Variants in VWA8 observed in about 807,000 individuals in gnomAD.
VWA8 encodes the protein von Willebrand factor A domain containing 8.
Under a neutral mutation model 241.5 loss-of-function variants are expected in VWA8, and 221 were observed. That is an observed-to-expected ratio of 0.91 (90% CI 0.82 to 1.02). VWA8 has a LOEUF of 1.02. Ranked by LOEUF, VWA8 falls within the 50% of genes least tolerant of loss-of-function variation. VWA8 has a pLI of 0.00. For synonymous variants in VWA8, 852 were observed against 827.1 expected, an observed-to-expected ratio of 1.03 and a Z score of -0.52; for missense variants, 2,322 against 2,328.7, an observed-to-expected ratio of 1.00 and a Z score of 0.06.
At chr13:41,915,157 T>C (rs1434971397) in intron 2 of VWA8, among the ~76,000 whole-genome samples, 1 of 152,252 alleles carries the variant, frequency 6.6e-6, no homozygotes, top group Non-Finnish European at 1.5e-5. Flanking sequence ...AGCAGTGTAC[T>C]TTCTTAAGTA....
Position 41,907,698 on chromosome 13 carries a change from T to C in VWA8, c.373-2A>G. 6.2e-7 allele frequency: 1 copy of C among 1,611,736 alleles called. No homozygotes were observed. Among genetic ancestry groups the C allele is most frequent in the Non-Finnish European group, 8.5e-7 (1 of 1,178,010 alleles). ...TTCGACCTCCCGTTTGGTCAGCTCCTGTAGAGAAGAGAATGAAATTATTCC... is the reference window on the plus strand; with the variant it reads ...TTCGACCTCCCGTTTGGTCAGCTCCCGTAGAGAAGAGAATGAAATTATTCC... On this transcript the variant is annotated splice_acceptor_variant, in intron 3 of 44. Coordinates refer to ENST00000379310, the MANE Select transcript of VWA8 (RefSeq NM_015058.2). LOFTEE classifies it high-confidence loss of function.
chr13:41,671,153 A>G lies in VWA8; in HGVS notation c.4410-6T>C. On this transcript the variant is annotated splice_polypyrimidine_tract_variant and splice_region_variant and intron_variant, in intron 36 of 44. Coordinates refer to ENST00000379310, the MANE Select transcript of VWA8 (RefSeq NM_015058.2). ...ACGGCGAGAGAGATTCTGATCTGGA[A>G]AAAGGAATCCAAGTGAAGCTAAGAG... 1 of 1,613,582 alleles carries G rather than the reference A, an allele frequency of 6.2e-7. No homozygotes were observed. Among genetic ancestry groups the G allele is most frequent in the Non-Finnish European group, 8.5e-7 (1 of 1,179,626 alleles).
chr13:41,893,756 C>A (rs117913372), intron 4 of VWA8, among the ~76,000 whole-genome samples: 1 of 152,086 alleles, frequency 6.6e-6, no homozygotes, highest in Admixed American at 6.5e-5. Context: ...TGGTGGCGGG[C>A]GCCTGTAATC....
chr13:41,676,675 C>G (rs2045062391), intron 35 of VWA8, among the ~76,000 whole-genome samples: 1 of 152,136 alleles, frequency 6.6e-6, no homozygotes, highest in South Asian at 2.1e-4. Context: ...TCTTGTTGCC[C>G]AGGCTGGAGT....
At chr13:41,595,909 C>A (rs906733823) in intron 40 of VWA8, among the ~76,000 whole-genome samples, 1 of 152,106 alleles carries the variant, frequency 6.6e-6, no homozygotes, top group East Asian at 1.9e-4. Context: ...GAACAGTTTT[C>A]CAAAGTGGTT....
chr13:41,628,843 C>T (rs982691858), intron 37 of VWA8, among the ~76,000 whole-genome samples: 20 of 152,128 alleles, frequency 1.3e-4, no homozygotes, highest in Non-Finnish European at 8.8e-5. Context: ...GAGATCGAGA[C>T]CATCCTCGCC....
At chr13:41,846,248 A>T (rs531441193) in intron 12 of VWA8, among the ~76,000 whole-genome samples, 1 of 152,298 alleles carries the variant, frequency 6.6e-6, no homozygotes, top group East Asian at 1.9e-4. Flanking sequence ...TGAAATCAAG[A>T]TTGGTGTAAT....
chr13:41,742,049 C>T (rs1350248019), intron 21 of VWA8, among the ~76,000 whole-genome samples: 2 of 152,200 alleles, frequency 1.3e-5, no homozygotes, highest in East Asian at 3.8e-4. Flanking sequence ...TTTAAGGCTA[C>T]ACTTAGTTAT....
rs749193925 is a variant in VWA8 at position 41,685,140 on chromosome 13, T to C, written c.4234A>G (p.Lys1412Glu). ...AAAAGAGTCACACAATTGCTTTGTT[T>C]TGGAGTCCCCCTTTTCTTCTTTCCT... ...YRGKKKRGTP[K>E]QSNCVTLLDT... Residue 1412 changes from lysine to glutamate, a missense_variant, in exon 35 of 45, where the codon AAA becomes GAA. Lys to Glu is a moderately conservative substitution (Grantham distance 56, BLOSUM62 1). Transcript: ENST00000379310. 6.2e-7 allele frequency: 1 copy of C among 1,613,664 alleles called. No homozygotes were observed. Among genetic ancestry groups the C allele is most frequent in the South Asian group, 1.1e-5 (1 of 91,072 alleles).
chr13:41,691,914 A>G lies in VWA8; in HGVS notation c.3700T>C (p.Phe1234Leu), dbSNP rs1218616495. Residue 1234 changes from phenylalanine (F) to leucine (L), a missense_variant, in exon 31 of 45, where the codon TTT becomes CTT. Phe to Leu is a conservative substitution (Grantham distance 22). Coordinates refer to ENST00000379310, the MANE Select transcript of VWA8 (RefSeq NM_015058.2). ...AACACCAGCCAGTTTTTGTGTGAAAATTCTTTACACATTTTATAAGTTTCC... is the reference window on the plus strand; with the variant it reads ...AACACCAGCCAGTTTTTGTGTGAAAGTTCTTTACACATTTTATAAGTTTCC... ...EAETYKMCKE[F>L]SHKNWLVFYK... is the part of the protein sequence containing the mutation. 1.9e-6 allele frequency: 3 copies of G among 1,610,212 alleles called. No homozygotes were observed. The highest frequency in any genetic ancestry group is 1.7e-5 in the Admixed American group (1 of 59,896).
rs569955162 is a variant in VWA8 at position 41,899,522 on chromosome 13, T to A, written c.484-7935A>T. 1.7e-3 allele frequency among the ~76,000 whole-genome samples: 256 copies of A among 152,310 alleles called. 2 individuals carry two copies. The highest frequency in any genetic ancestry group is 5.7e-3 in the African/African-American group (235 of 41,564). On this transcript the variant is annotated intron_variant, in intron 4 of 44. Coordinates refer to ENST00000379310, the MANE Select transcript of VWA8 (RefSeq NM_015058.2). Reference sequence around the variant, plus strand: ...CCAAAAGGAGAAAATCTTGAGAAGATGCTCTTTGGAAACAAAATCTGAAAC... The same window carrying A: ...CCAAAAGGAGAAAATCTTGAGAAGAAGCTCTTTGGAAACAAAATCTGAAAC...
chr13:41,689,556 G>A, intron 33 of VWA8, 48 bp from the exon 34 acceptor site: 1 of 1,437,490 alleles, frequency 7.0e-7, no homozygotes, highest in Non-Finnish European at 9.2e-7. Context: ...AATGCTCCAG[G>A]AATTAATTTT....
chr13:41,803,983 ACAGT>A (rs1870075434), intron 17 of VWA8, among the ~76,000 whole-genome samples: 1 of 152,208 alleles, frequency 6.6e-6, no homozygotes, highest in Non-Finnish European at 1.5e-5. Flanking sequence ...TTGAAAACAC[ACAGT>A]CAGAGGAGAC....
At chr13:41,663,495 T>G (rs2044966130) in intron 37 of VWA8, among the ~76,000 whole-genome samples, 1 of 152,164 alleles carries the variant, frequency 6.6e-6, no homozygotes, top group African/African-American at 2.4e-5. Flanking sequence ...CTCAAGCAAT[T>G]AAGAGGTTAA....
chr13:41,889,230 T>C (rs1334416966), intron 5 of VWA8, among the ~76,000 whole-genome samples: 1 of 152,296 alleles, frequency 6.6e-6, no homozygotes, highest in South Asian at 2.1e-4. Context: ...ATCTTATCTA[T>C]ATGCTGTGAG....
At chr13:41,665,133 A>G (rs997451865) in intron 37 of VWA8, among the ~76,000 whole-genome samples, 1 of 152,120 alleles carries the variant, frequency 6.6e-6, no homozygotes, top group African/African-American at 2.4e-5. Context: ...TCATAAGTTA[A>G]TATTAGGTAT....
At chr13:41,841,978 T>G (rs1203740512) in intron 12 of VWA8, among the ~76,000 whole-genome samples, 2 of 150,402 alleles carry the variant, frequency 1.3e-5, no homozygotes, top group African/African-American at 4.9e-5. Context: ...TCAAATGAGT[T>G]TTACTTATTA....
chr13:41,809,449 A>G (rs747910533), intron 17 of VWA8, among the ~76,000 whole-genome samples: 48 of 152,280 alleles, frequency 3.2e-4, no homozygotes, highest in South Asian at 1.0e-3. Context: ...AAACAAATCC[A>G]TACACCTACA....
At chr13:41,923,528 T>C (rs185947772) in intron 2 of VWA8, among the ~76,000 whole-genome samples, 2 of 152,034 alleles carry the variant, frequency 1.3e-5, no homozygotes, top group Admixed American at 1.3e-4. Context: ...CCTCAAGTCA[T>C]AGTGTTTCAG....
Sources: allele counts gnomAD v4.1 joint callset (sites outside exome capture counted in the v4.1 genomes callset), GRCh38; gene constraint gnomAD v4.1.1; transcripts MANE v1.5; gene names NCBI Gene and HGNC (gene_info 2026-07-23, HGNC 2026-07-21).